The following SNX18 variants were observed in gnomAD, a reference collection of about 807,000 sequenced individuals.
SNX18 encodes sorting nexin 18.
A neutral mutation model predicts 48.7 loss-of-function variants in SNX18; 35 were observed. That is an observed-to-expected ratio of 0.72 (90% CI 0.55 to 0.95). The LOEUF (loss-of-function observed/expected upper bound fraction) is 0.95. Ranked by LOEUF, SNX18 falls within the 40% of genes least tolerant of loss-of-function variation. SNX18 has a pLI of 0.00. For missense variants in SNX18, 824 were observed against 871.0 expected (o/e 0.95, Z 0.68); for synonymous variants, 492 against 384.7 (o/e 1.28, Z -3.26).
At chr5:54,629,904 A>G in the SNX18 span, among the ~76,000 whole-genome samples, 1,507 of 152,270 alleles carry the variant, frequency 9.9e-3, 11 homozygotes, top group Admixed American at 0.015. Context: ...AGATCAATCC[A>G]CCCTTGCATT....
At chr5:54,641,656 A>G in the SNX18 span, among the ~76,000 whole-genome samples, 5 of 152,218 alleles carry the variant, frequency 3.3e-5, no homozygotes, top group Non-Finnish European at 5.9e-5. Flanking sequence ...ACAGCACAAC[A>G]AAAATTTTTA....
the SNX18 span, among the ~76,000 whole-genome samples, chr5:54,588,797 A>G: frequency 0.022 from 3,311 of 152,280 alleles, 86 homozygotes; most frequent in South Asian, 0.071. Context: ...GTATGATATC[A>G]TCAAAGAGAA....
Position 54,518,571 on chromosome 5 carries a change from G to A in SNX18, c.619G>A (p.Gly207Ser). The A allele has an allele frequency of 1.3e-6, 2 of 1,580,000 alleles. No individual in the cohort carries two copies. The highest frequency in any genetic ancestry group is 8.6e-7 in the Non-Finnish European group (1 of 1,164,158). Residue 207 changes from glycine (G) to serine (S), a missense_variant, in exon 1 of 2, where the codon GGC becomes AGC. By Grantham distance (56) the Gly-to-Ser change is moderately conservative. Coordinates refer to ENST00000381410, the MANE Select transcript of SNX18 (RefSeq NM_001102575.2). ...CTCCGACCTGTCCCTGGGTTCCCGC[G>A]GCGGCTCGGTCCCCCCGCAGCACCA... Reference protein sequence around the residue: ...TRSDLSLGSRGGSVPPQHHPS... With the variant: ...TRSDLSLGSRSGSVPPQHHPS...
At chr5:54,584,679 T>C in the SNX18 span, among the ~76,000 whole-genome samples, 1 of 152,198 alleles carries the variant, frequency 6.6e-6, no homozygotes, top group African/African-American at 2.4e-5. Context: ...GGTAGGGGAA[T>C]AATTATAGAT....
rs1415926919 is a variant in SNX18 at position 54,519,042 on chromosome 5, G to A, written c.1090G>A (p.Ala364Thr). 1 of 1,613,492 alleles carries A rather than the reference G, an allele frequency of 6.2e-7. No individual in the cohort carries two copies. The highest frequency in any genetic ancestry group is 1.7e-5 in the Admixed American group (1 of 60,014). ...KGLIWWMNHMASHPVLAQCDV... is the reference protein window; with the variant it reads ...KGLIWWMNHMTSHPVLAQCDV... ...CCTGATCTGGTGGATGAACCACATG[G>A]CCAGCCACCCAGTGCTGGCGCAGTG... The change falls in exon 1 of 2, where the codon GCC becomes ACC. Residue 364 changes from alanine (A) to threonine (T), a missense_variant. This residue lies in a region of SNX18 where 443 missense variants were observed against 503.6 expected (regional missense o/e 0.88). Transcript: ENST00000381410.
the SNX18 span, among the ~76,000 whole-genome samples, chr5:54,601,597 T>C: frequency 8.5e-5 from 13 of 152,116 alleles, no homozygotes; most frequent in Non-Finnish European, 1.9e-4. Flanking sequence ...CTGTTCATAT[T>C]AGACAGCCTT....
the SNX18 span, among the ~76,000 whole-genome samples, chr5:54,565,678 T>G: frequency 6.6e-6 from 1 of 152,202 alleles, no homozygotes; most frequent in Non-Finnish European, 1.5e-5. Context: ...AATAAAACTT[T>G]ATGTACCTGT....
chr5:54,584,046 CTTTTTTTTT>C, the SNX18 span, among the ~76,000 whole-genome samples: 1 of 110,662 alleles, frequency 9.0e-6, no homozygotes, highest in Non-Finnish European at 1.8e-5. Flanking sequence ...GTGTGTAGCT[CTTTTTTTTT>C]TTTTTTTTTT....
At chr5:54,519,608 T>A in intron 1 of SNX18, 35 bp downstream of exon 1, 1 of 1,613,832 alleles carries the variant, frequency 6.2e-7, no homozygotes, top group Non-Finnish European at 8.5e-7. Context: ...TGATATGGAG[T>A]GTATTGTGCA....
At chr5:54,600,882 G>C in the SNX18 span, among the ~76,000 whole-genome samples, 23 of 152,258 alleles carry the variant, frequency 1.5e-4, no homozygotes, top group African/African-American at 5.5e-4. Context: ...TGGATGTTGG[G>C]CTTAATACCT....
At chr5:54,612,879 C>T in the SNX18 span, among the ~76,000 whole-genome samples, 1 of 152,200 alleles carries the variant, frequency 6.6e-6, no homozygotes, top group Non-Finnish European at 1.5e-5. Flanking sequence ...CCCACCCTCA[C>T]CCCAGACACT....
chr5:54,587,973 G>C, the SNX18 span, among the ~76,000 whole-genome samples: 7 of 152,286 alleles, frequency 4.6e-5, 1 homozygote, highest in South Asian at 1.4e-3. Context: ...GTGTCCATGA[G>C]AGGAAGGTGT....
At chr5:54,600,681 T>C in the SNX18 span, among the ~76,000 whole-genome samples, 129,042 of 152,106 alleles carry the variant, frequency 0.85, 55,382 homozygotes, top group South Asian at 0.96. Flanking sequence ...TTTGCAGGGA[T>C]GTGGATGAAG....
chr5:54,586,957 C>T, the SNX18 span, among the ~76,000 whole-genome samples: 1 of 151,356 alleles, frequency 6.6e-6, no homozygotes, highest in Non-Finnish European at 1.5e-5. Context: ...AAGAGGTGAG[C>T]ACTCTGTAAG....
At chr5:54,555,252 T>C in the SNX18 span, among the ~76,000 whole-genome samples, 1 of 152,234 alleles carries the variant, frequency 6.6e-6, no homozygotes, top group African/African-American at 2.4e-5. Flanking sequence ...ACCCGATGCT[T>C]TCTGCTACCT....
the SNX18 span, among the ~76,000 whole-genome samples, chr5:54,596,743 C>T: frequency 5.9e-5 from 9 of 152,296 alleles, no homozygotes; most frequent in East Asian, 1.7e-3. Flanking sequence ...ATAGCACCTA[C>T]TCTATCCTCT....
At chr5:54,559,426 T>A in the SNX18 span, among the ~76,000 whole-genome samples, 1 of 152,152 alleles carries the variant, frequency 6.6e-6, no homozygotes, top group African/African-American at 2.4e-5. Flanking sequence ...GCTGTACACC[T>A]ACAACCATCT....
the SNX18 span, among the ~76,000 whole-genome samples, chr5:54,584,431 C>A: frequency 1.3e-5 from 2 of 152,014 alleles, no homozygotes; most frequent in Non-Finnish European, 2.9e-5. Context: ...TCATATATTA[C>A]CCCCAATGTG....
chr5:54,622,450 G>A, the SNX18 span, among the ~76,000 whole-genome samples: 1 of 151,456 alleles, frequency 6.6e-6, no homozygotes, highest in African/African-American at 2.4e-5. Context: ...AGTGAGCCAT[G>A]ATTATTACTC....
Sources: gnomAD v4.1 joint callset for allele counts (sites outside exome capture counted in the v4.1 genomes callset) on GRCh38, gnomAD v4.1.1 for gene constraint, gnomAD v4.1.1 regional missense constraint, MANE v1.5 for transcripts, NCBI Gene and HGNC (gene_info 2026-07-23, HGNC 2026-07-21) for gene names.